The following HCN4 variants were observed in gnomAD, a reference collection of about 807,000 sequenced individuals.
The protein encoded by HCN4 is hyperpolarization activated cyclic nucleotide gated potassium channel 4, also known as potassium/sodium hyperpolarization-activated cyclic nucleotide-gated channel 4.
A neutral mutation model predicts 76.9 loss-of-function variants in HCN4; 29 were observed. The observed-to-expected ratio is 0.38, with a 90% CI of 0.28 to 0.51. The LOEUF (loss-of-function observed/expected upper bound fraction) is 0.51, where lower values mean the gene tolerates loss of function less well. Ranked by LOEUF, HCN4 falls within the 20% of genes least tolerant of loss-of-function variation. HCN4 has a pLI of 0.90. For synonymous variants in HCN4, 772 were observed against 762.5 expected (o/e 1.01, Z -0.21); for missense variants, 1,416 against 1,715.2 (o/e 0.83, Z 3.08).
At chr15:73,366,784 G>A (rs2043130186) in intron 1 of HCN4, among the ~76,000 whole-genome samples, 1 of 152,210 alleles carries the variant, frequency 6.6e-6, no homozygotes, top group African/African-American at 2.4e-5. Flanking sequence ...ACAAGCATGG[G>A]ACACAGGACA....
chr15:73,327,895 C>T (rs2042910158), intron 4 of HCN4, among the ~76,000 whole-genome samples: 1 of 152,200 alleles, frequency 6.6e-6, no homozygotes, highest in South Asian at 2.1e-4. Flanking sequence ...GACCTCCACA[C>T]CTGGGTGGCC....
chr15:73,356,798 A>G (rs943775972), intron 1 of HCN4, among the ~76,000 whole-genome samples: 7 of 151,872 alleles, frequency 4.6e-5, no homozygotes, highest in South Asian at 2.1e-4. Context: ...TCAGAATTTT[A>G]TGATTTTGAC....
intron 1 of HCN4, among the ~76,000 whole-genome samples, chr15:73,349,813 T>A (rs1400631360): frequency 6.6e-6 from 1 of 152,188 alleles, no homozygotes; most frequent in East Asian, 1.9e-4. Context: ...ATCCTTGTCA[T>A]TTGCTGGCCA....
chr15:73,322,711 C>T lies in HCN4; in HGVS notation c.3382G>A (p.Gly1128Ser), dbSNP rs779132775. Reference sequence around the variant, plus strand: ...CCGAGGCCCCCGCTGCTCCCACTGCCCCCGCTGCCACCCCCAGCCCTGGGG... The same window carrying T: ...CCGAGGCCCCCGCTGCTCCCACTGCTCCCGCTGCCACCCCCAGCCCTGGGG... The part of the protein sequence containing the change: ...LFPRAGGGSG[G>S]SGSSGGLGPP... The change falls in exon 8 of 8, where the codon GGC becomes AGC. Residue 1128 changes from glycine to serine, a missense_variant. Gly to Ser is a moderately conservative substitution (Grantham distance 56). Around this residue, in one of 6 missense-constraint regions of HCN4, gnomAD observed 633 missense variants for 579.8 expected, o/e 1.09. Transcript: ENST00000261917. The T allele has an allele frequency of 1.7e-5, 27 of 1,567,704 alleles. No individual in the cohort carries two copies. Among genetic ancestry groups the T allele is most frequent in the Non-Finnish European group, 1.8e-5 (21 of 1,156,842 alleles).
rs1405359085 is a variant in HCN4, at chr15:73,347,491, TG to T, written c.786-3684del. Among the ~76,000 whole-genome samples, 60 of 152,132 alleles carry T rather than the reference TG, an allele frequency of 3.9e-4. 1 individual carries two copies. Among genetic ancestry groups the T allele is most frequent in the Non-Finnish European group, 6.6e-4 (45 of 68,020 alleles). ...GGGCCCATGCTCCTGATGCTAGGGC[TG>T]TCTGAGGTAGAGGAAGTAGCACACC... On this transcript the variant is annotated intron_variant, in intron 1 of 7. Transcript: ENST00000261917.
chr15:73,354,915 C>G (rs890520657), intron 1 of HCN4, among the ~76,000 whole-genome samples: 27 of 152,198 alleles, frequency 1.8e-4, no homozygotes, highest in African/African-American at 6.0e-4. Flanking sequence ...ACCCACCCCA[C>G]AGCGGAGCTG....
chr15:73,354,497 C>G (rs910570542), intron 1 of HCN4, among the ~76,000 whole-genome samples: 2 of 152,232 alleles, frequency 1.3e-5, no homozygotes, highest in African/African-American at 4.8e-5. Context: ...GGGCCAACAT[C>G]TGCACTGTTA....
At chr15:73,331,413 G>T (rs796242555) in intron 3 of HCN4, among the ~76,000 whole-genome samples, 7 of 152,208 alleles carry the variant, frequency 4.6e-5, no homozygotes, top group Admixed American at 3.3e-4. Context: ...GGGAGTCTGC[G>T]TGGGCTGCAA....
In HCN4 at chr15:73,343,522, T is replaced by C; in HGVS notation, c.1072A>G (p.Ile358Val). 1 of 1,614,130 alleles carries C rather than the reference T, an allele frequency of 6.2e-7. No individual in the cohort carries two copies. The highest frequency in any genetic ancestry group is 8.5e-7 in the Non-Finnish European group (1 of 1,180,020). ...SSIPVDYIFL[I>V]VETRIDSEVY... ...TCCGAGTCGATGCGTGTCTCCACAA[T>C]GAGGAAGATGTAGTCCACGGGGATG... The change falls in exon 2 of 8, where the codon ATT (isoleucine) becomes GTT (valine). Residue 358 changes from isoleucine (I) to valine (V), a missense_variant. By Grantham distance (29) the Ile-to-Val change is conservative. Around this residue, in one of 6 missense-constraint regions of HCN4, gnomAD observed 112 missense variants for 259.9 expected, o/e 0.43. Transcript: ENST00000261917. The surrounding 1 kb of genome is among the most constrained non-coding windows in gnomAD (Gnocchi z 5.7).
chr15:73,356,374 C>CTT lies in HCN4; in HGVS notation c.785+11110_785+11111dup, dbSNP rs71137342. On this transcript the variant is annotated intron_variant, in intron 1 of 7. Transcript: ENST00000261917. ...AGCTAATTTTTCTTTCTTTTCTTTT[C>CTT]TTTTTTTTTTTTTTTTTTTGTAGAG... is the stretch of plus-strand genomic sequence containing the variant. Among the ~76,000 whole-genome samples the CTT allele has an allele frequency of 1.0e-3, 120 of 118,190 alleles. 3 individuals carry two copies. Among genetic ancestry groups the CTT allele is most frequent in the Middle Eastern group, 4.9e-3 (1 of 204 alleles). 77.5% of individuals were successfully genotyped at this position (118,190 alleles called of 152,430 possible). A position where few individuals can be genotyped will look rare whatever the true frequency, so the allele number is the denominator to read the frequency against.
At chr15:73,344,503 T>C (rs540515529) in intron 1 of HCN4, among the ~76,000 whole-genome samples, 1 of 152,248 alleles carries the variant, frequency 6.6e-6, no homozygotes, top group African/African-American at 2.4e-5. Context: ...GACCATCTCC[T>C]TCCCTCAGAG....
intron 4 of HCN4, among the ~76,000 whole-genome samples, chr15:73,327,916 A>AGT (rs2042910291): frequency 6.6e-6 from 1 of 152,154 alleles, no homozygotes; most frequent in Non-Finnish European, 1.5e-5. Flanking sequence ...CCCACCTGTC[A>AGT]GTCACCCCAC....
chr15:73,364,460 T>C (rs961553645), intron 1 of HCN4, among the ~76,000 whole-genome samples: 2 of 152,184 alleles, frequency 1.3e-5, no homozygotes, highest in African/African-American at 4.8e-5. Context: ...TTGTTGTTGT[T>C]CCAGGTTCTC....
intron 2 of HCN4, among the ~76,000 whole-genome samples, chr15:73,338,299 G>A (rs1393337418): frequency 1.3e-5 from 2 of 152,208 alleles, no homozygotes; most frequent in Non-Finnish European, 2.9e-5. Flanking sequence ...GGTTCTGACT[G>A]CAGGGGTTGA....
Position 73,368,503 on chromosome 15 carries a change from C to T in HCN4, c.-233G>A, listed in dbSNP as rs1054260429. ...ACCTCCTCCCGGGCCCGGCTGGGCG[C>T]GGGGACCCCGCGCTCCCTTCTTGCC... On this transcript the variant is annotated 5_prime_UTR_variant, in exon 1 of 8. Coordinates refer to ENST00000261917, the MANE Select transcript of HCN4 (RefSeq NM_005477.3). This position sits in a 1 kb window ranked among gnomAD's most constrained non-coding sequence, Gnocchi z 6.9. 3.6e-5 allele frequency: 12 copies of T among 334,308 alleles called. No homozygotes were observed. Among genetic ancestry groups the T allele is most frequent in the Non-Finnish European group, 4.8e-5 (9 of 185,602 alleles). The allele number at this position is 334,308 out of a possible 1,614,324, so 20.7% of individuals were successfully genotyped here.
At chr15:73,362,248 G>A (rs891060009) in intron 1 of HCN4, among the ~76,000 whole-genome samples, 6 of 152,194 alleles carry the variant, frequency 3.9e-5, no homozygotes, top group Non-Finnish European at 2.9e-5. Context: ...ACCCTGCCAC[G>A]CTGAGCTTGG....
chr15:73,355,736 C>A (rs1186173068), intron 1 of HCN4, among the ~76,000 whole-genome samples: 3 of 152,148 alleles, frequency 2.0e-5, no homozygotes, highest in Non-Finnish European at 4.4e-5. Context: ...TATGCAGAAA[C>A]ACACCAGTGA....
chr15:73,337,773 AG>A (rs1567781883), intron 2 of HCN4, among the ~76,000 whole-genome samples: 1 of 152,144 alleles, frequency 6.6e-6, no homozygotes, highest in Non-Finnish European at 1.5e-5. Flanking sequence ...AAGAACAAAA[AG>A]GTACCCGCTC....
rs2042855614 is a variant in HCN4 at position 73,321,266 on chromosome 15, T to G, written c.*1215A>C. ...CTGGTGTCTTCCTTCTGTACCATGCTTGGGGACCATCTACCTCAGCCCCCC... is the reference window on the plus strand; with the variant it reads ...CTGGTGTCTTCCTTCTGTACCATGCGTGGGGACCATCTACCTCAGCCCCCC... On this transcript the variant is annotated 3_prime_UTR_variant, in exon 8 of 8. Coordinates refer to ENST00000261917, the MANE Select transcript of HCN4 (RefSeq NM_005477.3). 6.6e-6 allele frequency: 1 copy of G among 152,210 alleles called. No individual in the cohort carries two copies. 9.4% of individuals were successfully genotyped at this position (152,210 alleles called of 1,614,324 possible).
Sources: gnomAD v4.1 joint callset for allele counts (sites outside exome capture counted in the v4.1 genomes callset) on GRCh38, gnomAD v4.1.1 for gene constraint, gnomAD v4.1.1 regional missense constraint, Gnocchi (gnomAD v3.1) non-coding constraint, MANE v1.5 for transcripts, NCBI Gene and HGNC (gene_info 2026-07-23, HGNC 2026-07-21) for gene names.